Variants in THAP12 observed in about 807,000 individuals in gnomAD.
The protein encoded by THAP12 is THAP domain containing 12, also known as 52 kDa repressor of the inhibitor of the protein kinase.
Under a neutral mutation model 63.0 loss-of-function variants are expected in THAP12, and 20 were observed. The observed-to-expected ratio is 0.32, with a 90% CI of 0.22 to 0.46. The LOEUF (loss-of-function observed/expected upper bound fraction) is 0.46. Ranked by LOEUF, THAP12 falls within the 20% of genes least tolerant of loss-of-function variation. The probability of loss-of-function intolerance (pLI) is 1.00; values close to 1 mark genes in which losing one functional copy is unlikely to be tolerated. For synonymous variants in THAP12, 264 were observed against 328.4 expected, an observed-to-expected ratio of 0.80 and a Z score of 2.12; for missense variants, 568 against 908.2, an observed-to-expected ratio of 0.63 and a Z score of 4.81.
chr11:76,358,846 G>A (rs1411026881), intron 3 of THAP12: 5 of 151,814 alleles, frequency 3.3e-5, no homozygotes, highest in Admixed American at 1.3e-4. Flanking sequence ...GGAGTAGAAG[G>A]GAATTTCCTT....
chr11:76,370,942 A>C (rs1338570902), intron 1 of THAP12, among the ~76,000 whole-genome samples: 1 of 151,876 alleles, frequency 6.6e-6, no homozygotes, highest in Non-Finnish European at 1.5e-5. Context: ...ACCCACTTAC[A>C]TACTCGTCTC....
chr11:76,379,153 G>T (rs948765336), intron 1 of THAP12, among the ~76,000 whole-genome samples: 2 of 152,116 alleles, frequency 1.3e-5, no homozygotes, highest in Non-Finnish European at 2.9e-5. Context: ...TCTTGAAGTC[G>T]TCCTTAAGTT....
intron 1 of THAP12, among the ~76,000 whole-genome samples, chr11:76,367,820 C>A (rs2851147): frequency 0.18 from 27,996 of 151,950 alleles, 3,265 homozygotes; most frequent in Admixed American, 0.32. Flanking sequence ...ACACTTAATT[C>A]TCTCTACTCT....
Position 76,351,946 on chromosome 11 carries a change from C to G in THAP12, c.1204G>C (p.Asp402His). 6.3e-7 allele frequency: 1 copy of G among 1,599,192 alleles called. No individual in the cohort carries two copies. Among genetic ancestry groups the G allele is most frequent in the South Asian group, 1.1e-5 (1 of 88,170 alleles). ...TGAAAAAGAACAGAAATTACGTTGTCAAGTTCTAAAAGCAGTTGTGGTGAT... is the reference window on the plus strand; with the variant it reads ...TGAAAAAGAACAGAAATTACGTTGTGAAGTTCTAAAAGCAGTTGTGGTGAT... The part of the protein sequence containing the change: ...HRSPQLLLEL[D>H]NVISVLFQNS... The change falls in exon 5 of 5, where the codon GAC becomes CAC. Residue 402 changes from aspartate to histidine, a missense_variant. Physicochemically the swap from Asp to His is moderately conservative, Grantham distance 81. Coordinates refer to ENST00000260045, the MANE Select transcript of THAP12 (RefSeq NM_004705.4).
At position 76,371,710 on chromosome 11, in the gene THAP12, C is replaced by T. The variant is rs374469342; in HGVS notation, c.90-5738G>A. 8.2e-4 allele frequency among the ~76,000 whole-genome samples: 125 copies of T among 152,230 alleles called. 2 individuals are homozygous for T. The South Asian group carries it at 0.025, about 30-fold the overall frequency. On this transcript the variant is annotated intron_variant, in intron 1 of 4. Coordinates refer to ENST00000260045, the MANE Select transcript of THAP12 (RefSeq NM_004705.4). ...ATGCCAAGGAGGCTCCTACTCTATC[C>T]CTTTTCCACTGAAACTGCTCAAGAA...
At chr11:76,374,332 A>G (rs1392625019) in intron 1 of THAP12, among the ~76,000 whole-genome samples, 1 of 152,076 alleles carries the variant, frequency 6.6e-6, no homozygotes, top group Non-Finnish European at 1.5e-5. Flanking sequence ...CATTTGGAAA[A>G]TATTAGTTCA....
At chr11:76,379,994 G>T (rs904409906) in intron 1 of THAP12, among the ~76,000 whole-genome samples, 2 of 152,140 alleles carry the variant, frequency 1.3e-5, no homozygotes, top group African/African-American at 2.4e-5. Flanking sequence ...TAACATTTGC[G>T]CTCGGCACAT....
chr11:76,380,579 G>A (rs994460321), intron 1 of THAP12, among the ~76,000 whole-genome samples, 169 bp downstream of exon 1: 1 of 150,982 alleles, frequency 6.6e-6, no homozygotes, highest in South Asian at 2.1e-4. Context: ...GCCCGCCCAC[G>A]GCTCGGGGCC....
chr11:76,379,040 C>T (rs982113715), intron 1 of THAP12, among the ~76,000 whole-genome samples: 6 of 152,096 alleles, frequency 3.9e-5, no homozygotes, highest in East Asian at 3.9e-4. Context: ...GTCGGCTGGG[C>T]GCGGTGGCTC....
intron 2 of THAP12, among the ~76,000 whole-genome samples, chr11:76,363,474 GC>G (rs1263476453): frequency 2.6e-5 from 4 of 152,138 alleles, no homozygotes; most frequent in Admixed American, 2.6e-4. Context: ...CTCCTGAGTA[GC>G]TGGGACTACA....
chr11:76,367,303 C>T (rs189387600), intron 1 of THAP12, among the ~76,000 whole-genome samples: 3,235 of 152,146 alleles, frequency 0.021, 121 homozygotes, highest in African/African-American at 0.075. Context: ...CTCGAACTCC[C>T]GACCTCAGGT....
chr11:76,355,557 T>C, intron 4 of THAP12, 61 bp downstream of exon 4: 1 of 1,427,364 alleles, frequency 7.0e-7, no homozygotes, highest in Non-Finnish European at 9.5e-7. Context: ...TATTTGTCCT[T>C]ACCAGGTCAA....
Position 76,352,419 on chromosome 11 carries a change from C to T in THAP12, c.731G>A (p.Ser244Asn), listed in dbSNP as rs1946533817. The T allele has an allele frequency of 6.2e-7, 1 of 1,611,780 alleles. No homozygotes were observed. The highest frequency in any genetic ancestry group is 1.3e-5 in the African/African-American group (1 of 74,864). Residue 244 changes from serine (S) to asparagine (N), a missense_variant, in exon 5 of 5, where the codon AGC (serine) becomes AAC (asparagine). Physicochemically the swap from Ser to Asn is conservative, Grantham distance 46. Coordinates refer to ENST00000260045, the MANE Select transcript of THAP12 (RefSeq NM_004705.4). ...CCTGAGAGTTTCTTCTCGAATACAG[C>T]TCTCACAGATCTCTAGCATCTGCCT... is the stretch of plus-strand genomic sequence containing the variant. ...QQRQMLEICE[S>N]CIREETLREV...
chr11:76,358,959 C>G (rs1946579407), intron 3 of THAP12: 1 of 152,128 alleles, frequency 6.6e-6, no homozygotes, highest in South Asian at 2.1e-4. Flanking sequence ...TACCAGGGAT[C>G]TTGACTAAAC....
At chr11:76,380,133 G>A (rs1416740948) in intron 1 of THAP12, among the ~76,000 whole-genome samples, 1 of 152,170 alleles carries the variant, frequency 6.6e-6, no homozygotes, top group African/African-American at 2.4e-5. Flanking sequence ...GAAGGAAGAG[G>A]TTCCAATACC....
intron 3 of THAP12, chr11:76,358,334 A>T (rs1946574773): frequency 6.6e-6 from 1 of 152,202 alleles, no homozygotes; most frequent in African/African-American, 2.4e-5. Flanking sequence ...ATATTGACCA[A>T]TTGAATCCAA....
intron 2 of THAP12, among the ~76,000 whole-genome samples, chr11:76,362,615 T>C (rs1023718539): frequency 6.6e-6 from 1 of 152,230 alleles, no homozygotes; most frequent in Non-Finnish European, 1.5e-5. Context: ...GTACAAGTTA[T>C]TATATTCAAA....
At chr11:76,369,321 T>G (rs1322039406) in intron 1 of THAP12, among the ~76,000 whole-genome samples, 1 of 152,246 alleles carries the variant, frequency 6.6e-6, no homozygotes, top group Non-Finnish European at 1.5e-5. Context: ...AATGGAATAC[T>G]ACTTGGCTAT....
Position 76,352,676 on chromosome 11 carries a change from T to C in THAP12, c.474A>G (p.Glu158=), listed in dbSNP as rs375064105. The change falls in exon 5 of 5, where the codon GAA becomes GAG. Residue 158 remains glutamate (E), a synonymous_variant. Transcript: ENST00000260045. ...TTAGGTATTCTTTGTTTTCCTTCTC[T>C]TCAAGGGTTAGAGGTAAAATGTCCT... ...QDEDILPLTL[E]EKENKEYLKS... is the part of the protein sequence containing the mutation. 18 of 1,612,838 alleles carry C rather than the reference T, an allele frequency of 1.1e-5. No homozygotes were observed. Among genetic ancestry groups the C allele is most frequent in the Admixed American group, 3.3e-5 (2 of 59,984 alleles).
Sources: gnomAD v4.1 joint callset for allele counts (sites outside exome capture counted in the v4.1 genomes callset) on GRCh38, gnomAD v4.1.1 for gene constraint, MANE v1.5 for transcripts, NCBI Gene and HGNC (gene_info 2026-07-23, HGNC 2026-07-21) for gene names.